The following PTCD2 variants were observed in gnomAD, a reference collection of about 807,000 sequenced individuals.
PTCD2 encodes pentatricopeptide repeat-containing protein 2, mitochondrial.
PTCD2 carries 31 observed loss-of-function variants against 42.6 expected under a neutral mutation model. The observed-to-expected ratio is 0.73, with a 90% CI of 0.55 to 0.98. PTCD2 has a LOEUF of 0.98. Among genes scored for constraint, PTCD2 ranks in the 50% least tolerant of loss-of-function variants. PTCD2 has a pLI of 0.00. For synonymous variants in PTCD2, 183 were observed against 170.9 expected (o/e 1.07, Z -0.55); for missense variants, 476 against 454.8 (o/e 1.05, Z -0.42).
chr5:72,330,308 AT>A (rs1379085980), intron 3 of PTCD2, among the ~76,000 whole-genome samples: 6 of 152,118 alleles, frequency 3.9e-5, no homozygotes, highest in African/African-American at 1.4e-4. Context: ...TTATGGTATC[AT>A]TGTAGTATAT....
intron 7 of PTCD2, among the ~76,000 whole-genome samples, chr5:72,340,835 T>C (rs1341824470): frequency 6.6e-6 from 1 of 152,026 alleles, no homozygotes; most frequent in Non-Finnish European, 1.5e-5. Context: ...TGTGGAGAAA[T>C]CTAACGCCTG....
intron 8 of PTCD2, among the ~76,000 whole-genome samples, chr5:72,344,242 G>A (rs188452926): frequency 2.1e-4 from 32 of 152,248 alleles, no homozygotes; most frequent in South Asian, 4.1e-4. Flanking sequence ...GGCTGGGCAC[G>A]GTGGCTCACA....
intron 3 of PTCD2, among the ~76,000 whole-genome samples, chr5:72,328,898 CT>C (rs1384422511): frequency 1.3e-5 from 2 of 152,026 alleles, no homozygotes; most frequent in Non-Finnish European, 2.9e-5. Flanking sequence ...TCTTTGTTTC[CT>C]TTTGGGGATC....
At chr5:72,352,804 T>C (rs1296187978) in intron 9 of PTCD2, 50 bp downstream of exon 9, 2 of 941,234 alleles carry the variant, frequency 2.1e-6, no homozygotes, top group African/African-American at 1.7e-5. Flanking sequence ...AGGACACTCT[T>C]AAAAATGTCC....
At chr5:72,346,269 T>TG (rs1054347576) in intron 8 of PTCD2, among the ~76,000 whole-genome samples, 20 of 152,152 alleles carry the variant, frequency 1.3e-4, no homozygotes, top group African/African-American at 4.6e-4. Context: ...GGCATAAACT[T>TG]GGAGGGCATG....
At chr5:72,333,209 C>T (rs1751535050) in intron 4 of PTCD2, among the ~76,000 whole-genome samples, 1 of 152,124 alleles carries the variant, frequency 6.6e-6, no homozygotes, top group Admixed American at 6.6e-5. Flanking sequence ...CATGTTCTTC[C>T]TCAGCCATGG....
In PTCD2 at chr5:72,363,478, G is replaced by A. The variant is rs1753136598; in HGVS notation, c.*5051G>A. On this transcript the variant is annotated 3_prime_UTR_variant, in exon 10 of 10. Transcript: ENST00000380639. Reference sequence around the variant, plus strand: ...TTGTGTGTCTATGTGGACAGGAGTTGTGGGCTTCAGATTCATCCTCTGTGT... The same window carrying A: ...TTGTGTGTCTATGTGGACAGGAGTTATGGGCTTCAGATTCATCCTCTGTGT... 1 of 152,262 alleles carries A rather than the reference G, an allele frequency of 6.6e-6. No homozygotes were observed. Among genetic ancestry groups the A allele is most frequent in the African/African-American group, 2.4e-5 (1 of 41,462 alleles). The allele number at this position is 152,262 out of a possible 1,614,324, so 9.4% of individuals were successfully genotyped here. A position where few individuals can be genotyped will look rare whatever the true frequency, so the allele number is the denominator to read the frequency against.
At chr5:72,344,237 G>A (rs1752233523) in intron 8 of PTCD2, among the ~76,000 whole-genome samples, 1 of 152,178 alleles carries the variant, frequency 6.6e-6, no homozygotes, top group Non-Finnish European at 1.5e-5. Flanking sequence ...ACTGTGGCTG[G>A]GCACGGTGGC....
intron 2 of PTCD2, among the ~76,000 whole-genome samples, chr5:72,325,869 T>C (rs1305166351): frequency 6.6e-6 from 1 of 152,176 alleles, no homozygotes; most frequent in African/African-American, 2.4e-5. Flanking sequence ...AAGCCCCTTA[T>C]TGATGACAAG....
intron 5 of PTCD2, among the ~76,000 whole-genome samples, chr5:72,335,310 G>A (rs942253174): frequency 3.9e-5 from 6 of 151,908 alleles, no homozygotes; most frequent in African/African-American, 7.3e-5. Context: ...TTAGCCGGGC[G>A]CGGTGGCGGG....
intron 3 of PTCD2, among the ~76,000 whole-genome samples, chr5:72,330,006 C>A (rs1751357902): frequency 6.6e-6 from 1 of 150,770 alleles, no homozygotes; most frequent in African/African-American, 2.4e-5. Context: ...TATCTCGGCT[C>A]ACTGCAAGCT....
In PTCD2 at chr5:72,338,659, G is replaced by T. The variant is rs768099899; in HGVS notation, c.677G>T (p.Arg226Ile). The T allele has an allele frequency of 6.2e-7, 1 of 1,612,086 alleles. No homozygotes were observed. The highest frequency in any genetic ancestry group is 8.5e-7 in the Non-Finnish European group (1 of 1,178,402). ...PESFKICTTL[R>I]EEALLKGEIL... is the part of the protein sequence containing the mutation. ...TCTTTCAAAATCTGTACTACATTAA[G>T]AGAAGAAGCTCTACTCAAAGGAGAA... The change falls in exon 7 of 10, where the codon AGA (arginine) becomes ATA (isoleucine). Residue 226 changes from arginine to isoleucine, a missense_variant. Transcript: ENST00000380639.
chr5:72,324,384 T>C (rs1032881568), intron 2 of PTCD2, among the ~76,000 whole-genome samples: 1 of 152,252 alleles, frequency 6.6e-6, no homozygotes, highest in African/African-American at 2.4e-5. Context: ...TCTGGCATCC[T>C]GGCTCTCCCG....
chr5:72,331,540 G>T (rs550650235), intron 4 of PTCD2, among the ~76,000 whole-genome samples, 165 bp downstream of exon 4: 1 of 152,192 alleles, frequency 6.6e-6, no homozygotes. Flanking sequence ...CAGTCAGTTT[G>T]TGTGAAGGGG....
In PTCD2 at chr5:72,331,373, C is replaced by A; in HGVS notation, c.466C>A (p.Gln156Lys). Residue 156 changes from glutamine to lysine, a missense_variant and splice_region_variant, in exon 4 of 10, where the codon CAG (glutamine) becomes AAG (lysine). Gln to Lys is a moderately conservative substitution (Grantham distance 53). Transcript: ENST00000380639. Reference sequence around the variant, plus strand: ...ATCTGCAGTGGAGCTCATGAAAGACCAGGTTATTGTTTCCTAATTGTTTTC... The same window carrying A: ...ATCTGCAGTGGAGCTCATGAAAGACAAGGTTATTGTTTCCTAATTGTTTTC... Reference protein sequence around the residue: ...EESAVELMKDQHLRGFFSDST... With the variant: ...EESAVELMKDKHLRGFFSDST... 1 of 1,596,492 alleles carries A rather than the reference C, an allele frequency of 6.3e-7. No homozygotes were observed. The highest frequency in any genetic ancestry group is 8.6e-7 in the Non-Finnish European group (1 of 1,163,920).
intron 8 of PTCD2, among the ~76,000 whole-genome samples, chr5:72,347,553 G>T (rs529231687): frequency 6.6e-6 from 1 of 152,142 alleles, no homozygotes; most frequent in Non-Finnish European, 1.5e-5. Flanking sequence ...GAACGTGGTG[G>T]TGTGTGCCTG....
chr5:72,356,919 C>T (rs192697575), intron 9 of PTCD2, among the ~76,000 whole-genome samples: 2 of 152,292 alleles, frequency 1.3e-5, no homozygotes, highest in Non-Finnish European at 2.9e-5. Flanking sequence ...TATTAGGAAG[C>T]TTGATCCCAA....
chr5:72,323,851 G>T (rs538273832), intron 2 of PTCD2, among the ~76,000 whole-genome samples: 6 of 151,984 alleles, frequency 3.9e-5, no homozygotes, highest in Non-Finnish European at 5.9e-5. Context: ...GTCTCACTGT[G>T]TTGAGGCTGG....
Position 72,367,930 on chromosome 5 carries a change from G to T in PTCD2, c.*9503G>T, listed in dbSNP as rs1753238945. 1 of 152,144 alleles carries T rather than the reference G, an allele frequency of 6.6e-6. No homozygotes were observed. Among genetic ancestry groups the T allele is most frequent in the Non-Finnish European group, 1.5e-5 (1 of 68,046 alleles). 9.4% of individuals were successfully genotyped at this position (152,144 alleles called of 1,614,324 possible). A position where few individuals can be genotyped will look rare whatever the true frequency, so the allele number is the denominator to read the frequency against. On this transcript the variant is annotated 3_prime_UTR_variant, in exon 10 of 10. Transcript: ENST00000380639. ...GGTTAACCAGTGAACCAATTGAGTGGCTCTGGGCTCCTATACCCCTTTCAT... is the reference window on the plus strand; with the variant it reads ...GGTTAACCAGTGAACCAATTGAGTGTCTCTGGGCTCCTATACCCCTTTCAT...
Sources: allele counts gnomAD v4.1 joint callset (sites outside exome capture counted in the v4.1 genomes callset), GRCh38; gene constraint gnomAD v4.1.1; transcripts MANE v1.5; gene names NCBI Gene and HGNC (gene_info 2026-07-23, HGNC 2026-07-21).